CLIC5: variants seen among roughly 807,000 people sequenced by gnomAD.
The protein encoded by CLIC5 is chloride intracellular channel protein 5.
CLIC5 carries 20 observed loss-of-function variants against 24.7 expected under a neutral mutation model. The ratio of observed to expected loss-of-function variants is 0.81; its 90% CI spans 0.57 to 1.18. CLIC5 has a LOEUF of 1.18. CLIC5 is among the 50% of genes most tolerant of loss of function. The pLI is 0.00. For synonymous variants in CLIC5, 159 were observed against 135.6 expected, an observed-to-expected ratio of 1.17 and a Z score of -1.20; for missense variants, 341 against 326.1, an observed-to-expected ratio of 1.05 and a Z score of -0.35.
chr6:45,985,617 G>A (rs1045653527), intron 1 of CLIC5, among the ~76,000 whole-genome samples: 1 of 152,010 alleles, frequency 6.6e-6, no homozygotes, highest in East Asian at 1.9e-4. Context: ...GCATCAAGGG[G>A]CTCCCTGCCC....
Position 45,903,046 on chromosome 6 carries a change from G to A in CLIC5, c.*42C>T, listed in dbSNP as rs1561918940. ...ATGAAGCTGGAGTCTTAGGGGAGTG[G>A]TTGAGTCCTTCTGCAGCGGGGATGG... On this transcript the variant is annotated 3_prime_UTR_variant, in exon 6 of 6. Transcript: ENST00000339561. 6.2e-7 allele frequency: 1 copy of A among 1,610,964 alleles called. No individual in the cohort carries two copies. Among genetic ancestry groups the A allele is most frequent in the Non-Finnish European group, 8.5e-7 (1 of 1,178,058 alleles).
At chr6:46,090,202 C>A in the CLIC5 span, among the ~76,000 whole-genome samples, 11 of 152,156 alleles carry the variant, frequency 7.2e-5, no homozygotes, top group Non-Finnish European at 1.0e-4. Context: ...CGTTTTATAT[C>A]AAAGGTAAAA....
Position 46,058,443 on chromosome 6 carries a change from G to A in CLIC5, c.540+21260C>T, listed in dbSNP as rs367844099. ...CTCCAAGGCTAAAGAGTTAGTAAACGGCAAATTTGAGATTTGAATTCAATT... is the reference window on the plus strand; with the variant it reads ...CTCCAAGGCTAAAGAGTTAGTAAACAGCAAATTTGAGATTTGAATTCAATT... On this transcript the variant is annotated intron_variant, in intron 1 of 5. Coordinates refer to the CLIC5 transcript ENST00000185206. Among the ~76,000 whole-genome samples, 49 of 152,234 alleles carry A rather than the reference G, an allele frequency of 3.2e-4. No homozygotes were observed. In the South Asian group the frequency reaches 7.3e-3, roughly 23 times the overall value.
Position 45,958,065 on chromosome 6 carries a change from G to A in CLIC5, c.64-2821C>T, listed in dbSNP as rs564891820. On this transcript the variant is annotated intron_variant, in intron 1 of 5. Transcript: ENST00000339561. The stretch of plus-strand genomic sequence containing the variant: ...TGCATGGGACCTTATTGGGAAACAG[G>A]GTCCTTGCAGGTGGAATCAACTTGA... 7.2e-5 allele frequency among the ~76,000 whole-genome samples: 11 copies of A among 152,176 alleles called. No homozygotes were observed. The South Asian group carries it at 2.3e-3, about 32-fold the overall frequency.
At chr6:45,949,202 G>A in intron 3 of CLIC5, 54 bp downstream of exon 3, 2 of 1,572,132 alleles carry the variant, frequency 1.3e-6, no homozygotes, top group Non-Finnish European at 1.7e-6. Flanking sequence ...GGACTTTATA[G>A]ATCCAGCATG....
At chr6:46,090,583 G>T in the CLIC5 span, among the ~76,000 whole-genome samples, 1 of 152,068 alleles carries the variant, frequency 6.6e-6, no homozygotes, top group East Asian at 1.9e-4. Flanking sequence ...AAAATGTTTA[G>T]ATTGACAAGT....
rs1322134336 is a variant in CLIC5, at chr6:46,047,145, A to T, written c.540+32558T>A. Among the ~76,000 whole-genome samples, 6 of 152,182 alleles carry T rather than the reference A, an allele frequency of 3.9e-5. No individual in the cohort carries two copies. The East Asian group carries it at 1.2e-3, about 29-fold the overall frequency. On this transcript the variant is annotated intron_variant, in intron 1 of 5. Transcript: ENST00000185206. ...ACAGCTTTCCCTCTGTTATACTTCC[A>T]CTAGCCTCAGATGGTATTAGAGTTG... is the stretch of plus-strand genomic sequence containing the variant.
At chr6:45,921,449 G>C (rs1000432818) in intron 4 of CLIC5, among the ~76,000 whole-genome samples, 5 of 152,168 alleles carry the variant, frequency 3.3e-5, no homozygotes, top group Non-Finnish European at 5.9e-5. Context: ...TGCCATAAGA[G>C]ATTTGGGTTT....
intron 2 of CLIC5, among the ~76,000 whole-genome samples, chr6:45,950,173 G>T (rs1561957671): frequency 6.6e-6 from 1 of 152,180 alleles, no homozygotes. Context: ...AAAGCCTTAC[G>T]ATTCAAGCTC....
At chr6:46,024,388 GATTCA>G (rs1767272347) in intron 1 of CLIC5, among the ~76,000 whole-genome samples, 1 of 152,150 alleles carries the variant, frequency 6.6e-6, no homozygotes. Flanking sequence ...GATCCAATGA[GATTCA>G]ATTCTAGGAC....
At chr6:45,979,265 A>T (rs1219073314) in intron 1 of CLIC5, among the ~76,000 whole-genome samples, 1 of 152,198 alleles carries the variant, frequency 6.6e-6, no homozygotes, top group Non-Finnish European at 1.5e-5. Flanking sequence ...CAATCTTCAA[A>T]GTTCAGGGGA....
intron 1 of CLIC5, among the ~76,000 whole-genome samples, chr6:46,014,879 C>T (rs1487847907): frequency 6.6e-6 from 1 of 152,152 alleles, no homozygotes; most frequent in African/African-American, 2.4e-5. Context: ...CTTGATACTG[C>T]CTTGAAAAAT....
chr6:45,911,514 A>G, intron 5 of CLIC5: 4 of 795,494 alleles, frequency 5.0e-6, no homozygotes, highest in Non-Finnish European at 6.1e-6. Flanking sequence ...GGCCTGACCA[A>G]GAGAACTGGC....
chr6:45,921,495 A>G (rs1763258611), intron 4 of CLIC5, among the ~76,000 whole-genome samples: 2 of 152,180 alleles, frequency 1.3e-5, no homozygotes, highest in Non-Finnish European at 1.5e-5. Context: ...GGTTCACATC[A>G]TCTAGTGTCT....
intron 1 of CLIC5, among the ~76,000 whole-genome samples, chr6:46,064,124 T>C (rs912087866): frequency 2.6e-5 from 4 of 152,128 alleles, no homozygotes; most frequent in African/African-American, 9.7e-5. Flanking sequence ...TATATAAACA[T>C]ACATCTTATG....
rs748359077 is a variant in CLIC5 at position 45,955,150 on chromosome 6, G to C, written c.158C>G (p.Thr53Ser). The C allele has an allele frequency of 3.1e-6, 5 of 1,612,338 alleles. No homozygotes were observed. Among genetic ancestry groups the C allele is most frequent in the Non-Finnish European group, 4.2e-6 (5 of 1,178,516 alleles). ...CGTACGTTACCTTTTCAGATCCACAGTGGTGACATTGAACACGACTCCTTT... is the reference window on the plus strand; with the variant it reads ...CGTACGTTACCTTTTCAGATCCACACTGGTGACATTGAACACGACTCCTTT... ...WLKGVVFNVT[T>S]VDLKRKPADL... Residue 53 changes from threonine (T) to serine (S), a missense_variant, in exon 2 of 6, where the codon ACT becomes AGT. Transcript: ENST00000339561.
chr6:46,004,270 C>T (rs928520435), intron 1 of CLIC5, among the ~76,000 whole-genome samples: 6 of 152,280 alleles, frequency 3.9e-5, no homozygotes, highest in East Asian at 1.9e-4. Flanking sequence ...TTAGTTTCTA[C>T]GGTAGAGACT....
intron 6 of CLIC5, among the ~76,000 whole-genome samples, chr6:45,888,126 C>T (rs1762320839): frequency 6.6e-6 from 1 of 152,186 alleles, no homozygotes; most frequent in Non-Finnish European, 1.5e-5. Flanking sequence ...GTGAGAGCAG[C>T]TTCACAGCCT....
upstream of CLIC5, chr6:46,080,425 A>C: frequency 1.7e-6 from 1 of 590,478 alleles, no homozygotes; most frequent in Non-Finnish European, 3.0e-6. Flanking sequence ...TAAGCAAACC[A>C]CAAGTCCATT....
Sources: gnomAD v4.1 joint callset for allele counts (sites outside exome capture counted in the v4.1 genomes callset) on GRCh38, gnomAD v4.1.1 for gene constraint, MANE v1.5 for transcripts, NCBI Gene and HGNC (gene_info 2026-07-23, HGNC 2026-07-21) for gene names.